The following C7 variants were observed in gnomAD, a reference collection of about 807,000 sequenced individuals.
The protein encoded by C7 is complement component C7.
Under a neutral mutation model 104.8 loss-of-function variants are expected in C7, and 83 were observed. The ratio of observed to expected loss-of-function variants is 0.79; its 90% CI spans 0.66 to 0.95. The LOEUF is 0.95. Among genes scored for constraint, C7 ranks in the 40% least tolerant of loss-of-function variants. C7 has a pLI of 0.00. For missense variants in C7, 1,070 were observed against 1,011.2 expected, an observed-to-expected ratio of 1.06 and a Z score of -0.79; for synonymous variants, 415 against 360.6, an observed-to-expected ratio of 1.15 and a Z score of -1.71.
At chr5:40,972,113 G>A (rs779277863) in intron 14 of C7, 3 of 525,084 alleles carry the variant, frequency 5.7e-6, no homozygotes, top group South Asian at 3.4e-5. Context: ...TTCAACAGTA[G>A]GCTGGGCATT....
At chr5:40,965,239 C>T (rs1453991675) in intron 14 of C7, among the ~76,000 whole-genome samples, 1 of 152,182 alleles carries the variant, frequency 6.6e-6, no homozygotes, top group East Asian at 1.9e-4. Flanking sequence ...TGGATAGAGG[C>T]ATCTGAATAA....
intron 1 of C7, among the ~76,000 whole-genome samples, chr5:40,919,632 T>C (rs1039017765): frequency 1.3e-5 from 2 of 151,722 alleles, no homozygotes; most frequent in Admixed American, 1.3e-4. Flanking sequence ...TCTCTAAAAA[T>C]AAATAAATAA....
At position 40,983,354 on chromosome 5, in the gene C7, C is replaced by G. The variant is rs1439787622; in HGVS notation, c.*1781C>G. ...CTACCGCTTATGTATCACCATGCCC[C>G]CTTCCTAAATAATACAGAGGATATG... is the stretch of plus-strand genomic sequence containing the variant. On this transcript the variant is annotated 3_prime_UTR_variant, in exon 18 of 18. Coordinates refer to ENST00000313164, the MANE Select transcript of C7 (RefSeq NM_000587.4). Among the ~76,000 whole-genome samples, 3 of 152,076 alleles carry G rather than the reference C, an allele frequency of 2.0e-5. No individual in the cohort carries two copies. The highest frequency in any genetic ancestry group is 1.3e-4 in the Admixed American group (2 of 15,264).
Position 40,941,674 on chromosome 5 carries a change from C to T in C7, c.568-3524C>T, listed in dbSNP as rs16870535. 7.2e-3 allele frequency among the ~76,000 whole-genome samples: 1,092 copies of T among 152,022 alleles called. 15 individuals carry two copies. Among genetic ancestry groups the T allele is most frequent in the East Asian group, 0.037 (192 of 5,144 alleles). The stretch of plus-strand genomic sequence containing the variant: ...AGAAAACTTGGTGAGCGGCTGAATG[C>T]GGGGTATGATGGAGAGTGAGCAGTC... On this transcript the variant is annotated intron_variant, in intron 6 of 17. Transcript: ENST00000313164.
intron 7 of C7, among the ~76,000 whole-genome samples, chr5:40,945,887 T>A (rs1011458102): frequency 6.4e-5 from 7 of 109,360 alleles, no homozygotes; most frequent in African/African-American, 4.9e-4. Flanking sequence ...TATATATATA[T>A]ATATATATAT....
chr5:40,979,187 C>G (rs1740883986), intron 16 of C7, among the ~76,000 whole-genome samples: 1 of 152,078 alleles, frequency 6.6e-6, no homozygotes, highest in Non-Finnish European at 1.5e-5. Flanking sequence ...TATTTCTAAA[C>G]TATTTTGTAA....
At chr5:40,966,669 G>GCA (rs1164484267) in intron 14 of C7, among the ~76,000 whole-genome samples, 1 of 152,020 alleles carries the variant, frequency 6.6e-6, no homozygotes, top group Non-Finnish European at 1.5e-5. Flanking sequence ...GAGCTACCAT[G>GCA]CCTGGCACAA....
chr5:40,965,648 A>ATATATTTTTT (rs35802990), intron 14 of C7, among the ~76,000 whole-genome samples: 5 of 130,310 alleles, frequency 3.8e-5, no homozygotes, highest in African/African-American at 9.5e-5. Flanking sequence ...ATATATATAT[A>ATATATTTTTT]TTTTTTTTTT....
chr5:40,976,960 T>A, intron 16 of C7, 120 bp downstream of exon 16: 1 of 721,716 alleles, frequency 1.4e-6, no homozygotes. Context: ...GGTCTTTGTT[T>A]GCATTTCGAT....
chr5:40,979,963 G>C (rs1360584987), intron 17 of C7, 54 bp downstream of exon 17: 3 of 1,442,580 alleles, frequency 2.1e-6, no homozygotes, highest in Non-Finnish European at 2.8e-6. Flanking sequence ...ACAGTACTGA[G>C]GATTTAAAAA....
intron 2 of C7, among the ~76,000 whole-genome samples, chr5:40,929,314 G>A (rs1739627028): frequency 6.6e-6 from 1 of 152,172 alleles, no homozygotes; most frequent in African/African-American, 2.4e-5. Context: ...GGAAGGTCAA[G>A]CAAACTTCCT....
intron 1 of C7, among the ~76,000 whole-genome samples, chr5:40,918,292 C>T (rs1191711378): frequency 6.6e-6 from 1 of 151,200 alleles, no homozygotes; most frequent in Non-Finnish European, 1.5e-5. Context: ...CCTGGGAGGT[C>T]GAGGGTGCAG....
In C7 at chr5:40,972,396, T is replaced by C. The variant is rs1420087932; in HGVS notation, c.1883-7T>C. 2 of 1,613,456 alleles carry C rather than the reference T, an allele frequency of 1.2e-6. No homozygotes were observed. The highest frequency in any genetic ancestry group is 4.5e-5 in the East Asian group (2 of 44,882). ...GACCCTTATATTTTGCTCTCTTTTA[T>C]CTTTAGAAATTGCCTGTGTTCTACC... On this transcript the variant is annotated splice_region_variant and splice_polypyrimidine_tract_variant and intron_variant, in intron 14 of 17. Transcript: ENST00000313164.
intron 6 of C7, among the ~76,000 whole-genome samples, chr5:40,943,419 T>C (rs1739981262): frequency 6.6e-6 from 1 of 152,122 alleles, no homozygotes; most frequent in African/African-American, 2.4e-5. Context: ...TAAAGAAAAT[T>C]TAATAAGACC....
At chr5:40,937,068 T>C (rs1739832787) in intron 5 of C7, among the ~76,000 whole-genome samples, 1 of 151,980 alleles carries the variant, frequency 6.6e-6, no homozygotes, top group South Asian at 2.1e-4. Context: ...TATTTTAGAG[T>C]GAAAGAAGTA....
chr5:40,930,941 G>A (rs1739668484), intron 2 of C7, 123 bp from the exon 3 acceptor site: 1 of 709,072 alleles, frequency 1.4e-6, no homozygotes, highest in Non-Finnish European at 2.5e-6. Context: ...GATCCTTTTA[G>A]TGTCTCTTCG....
Position 40,947,797 on chromosome 5 carries a change from G to A in C7, c.934G>A (p.Glu312Lys). ...TCTGCAATCTGGGTCGTTAGGAGGA[G>A]AATACAGAGTTCTATTTTATGTGGA... The part of the protein sequence containing the change: ...HYLQSGSLGG[E>K]YRVLFYVDSE... The change falls in exon 8 of 18, where the codon GAA becomes AAA. Residue 312 changes from glutamate to lysine, a missense_variant. By Grantham distance (56) the Glu-to-Lys change is moderately conservative. Coordinates refer to ENST00000313164, the MANE Select transcript of C7 (RefSeq NM_000587.4). The A allele has an allele frequency of 5.0e-6, 8 of 1,613,436 alleles. No individual in the cohort carries two copies. The highest frequency in any genetic ancestry group is 6.8e-6 in the Non-Finnish European group (8 of 1,179,560).
At chr5:40,915,268 T>G (rs903519587) in intron 1 of C7, among the ~76,000 whole-genome samples, 1 of 152,170 alleles carries the variant, frequency 6.6e-6, no homozygotes, top group African/African-American at 2.4e-5. Context: ...CTTGTCTCTC[T>G]CATTCCTGTT....
intron 8 of C7, among the ~76,000 whole-genome samples, chr5:40,948,844 C>T (rs1368537423): frequency 6.6e-6 from 1 of 152,106 alleles, no homozygotes; most frequent in Non-Finnish European, 1.5e-5. Context: ...AATAAGATCT[C>T]TTACATAAGA....
Sources: gnomAD v4.1 joint callset for allele counts (sites outside exome capture counted in the v4.1 genomes callset) on GRCh38, gnomAD v4.1.1 for gene constraint, MANE v1.5 for transcripts, NCBI Gene and HGNC (gene_info 2026-07-23, HGNC 2026-07-21) for gene names.